Variants in GSE1 observed in about 807,000 individuals in gnomAD.
GSE1 encodes the protein Gse1 coiled-coil protein, also known as genetic suppressor element 1.
GSE1 carries 32 observed loss-of-function variants against 112.6 expected under a neutral mutation model. The observed-to-expected ratio is 0.28, with a 90% CI of 0.21 to 0.38. The LOEUF (loss-of-function observed/expected upper bound fraction) is 0.38. Ranked by LOEUF, GSE1 falls within the 10% of genes least tolerant of loss-of-function variation. The probability of loss-of-function intolerance (pLI) is 1.00; values close to 1 mark genes in which losing one functional copy is unlikely to be tolerated. For synonymous variants in GSE1, 1,115 were observed against 735.6 expected, an observed-to-expected ratio of 1.52 and a Z score of -8.35; for missense variants, 2,348 against 1,699.2, an observed-to-expected ratio of 1.38 and a Z score of -6.71.
Position 85,478,420 on chromosome 16 carries a change from G to A in GSE1, c.2464+120777G>A, listed in dbSNP as rs189836126. The stretch of plus-strand genomic sequence containing the variant: ...CGGGCACCTGTAGTCCCAGCTACTC[G>A]GGAGGCTGAAGCAGGAGAATCACCT... On this transcript the variant is annotated intron_variant, in intron 2 of 2. Coordinates refer to the GSE1 transcript ENST00000637419. 2.7e-4 allele frequency among the ~76,000 whole-genome samples: 41 copies of A among 151,948 alleles called. 1 individual carries two copies. Among genetic ancestry groups the A allele is most frequent in the African/African-American group, 8.4e-4 (35 of 41,466 alleles).
chr16:85,566,019 ATC>A (rs1372990781), intron 1 of GSE1, among the ~76,000 whole-genome samples: 1 of 151,876 alleles, frequency 6.6e-6, no homozygotes, highest in Non-Finnish European at 1.5e-5. Context: ...CCCTCTCTGG[ATC>A]TCTGTTTTCT....
At chr16:85,658,347 C>T (rs2052147899) in intron 8 of GSE1, among the ~76,000 whole-genome samples, 1 of 152,236 alleles carries the variant, frequency 6.6e-6, no homozygotes, top group South Asian at 2.1e-4. Flanking sequence ...CCAGGCCCAG[C>T]TCAGGGACCT....
At chr16:85,315,829 G>C (rs1023598215) in intron 1 of GSE1, among the ~76,000 whole-genome samples, 2 of 152,348 alleles carry the variant, frequency 1.3e-5, no homozygotes, top group African/African-American at 4.8e-5. Flanking sequence ...GCAACCCTGA[G>C]TAGTGGGGAT....
intron 2 of GSE1, among the ~76,000 whole-genome samples, chr16:85,429,665 A>G (rs1282455191): frequency 6.6e-6 from 1 of 151,952 alleles, no homozygotes; most frequent in Non-Finnish European, 1.5e-5. Flanking sequence ...CTCCAGCCCC[A>G]CAGGCCTCCT....
Position 85,480,355 on chromosome 16 carries a change from C to G in GSE1, c.2464+122712C>G, listed in dbSNP as rs562870042. ...CCTGGGCGACGTCTTCTGCATCTCGCTTGCTTCCTGGCCTTGCGGCAGGGG... is the reference window on the plus strand; with the variant it reads ...CCTGGGCGACGTCTTCTGCATCTCGGTTGCTTCCTGGCCTTGCGGCAGGGG... On this transcript the variant is annotated intron_variant, in intron 2 of 2. Coordinates refer to the GSE1 transcript ENST00000637419. 6.6e-5 allele frequency among the ~76,000 whole-genome samples: 10 copies of G among 152,310 alleles called. No homozygotes were observed. In the South Asian group the frequency reaches 2.1e-3, roughly 32 times the overall value.
intron 1 of GSE1, among the ~76,000 whole-genome samples, chr16:85,202,353 G>T (rs2075043937): frequency 1.3e-5 from 2 of 152,268 alleles, no homozygotes; most frequent in South Asian, 4.1e-4. Flanking sequence ...GGCCTCCAGG[G>T]TGGGCTTGGG....
intron 2 of GSE1, among the ~76,000 whole-genome samples, chr16:85,636,707 C>A (rs916795615): frequency 1.3e-5 from 2 of 152,228 alleles, no homozygotes; most frequent in African/African-American, 4.8e-5. Context: ...GCTGGGAGAG[C>A]CGCCGTTAGG....
In GSE1 at chr16:85,182,032, C is replaced by T. The variant is rs900604280; in HGVS notation, c.2283+10225C>T. Among the ~76,000 whole-genome samples, 9 of 152,310 alleles carry T rather than the reference C, an allele frequency of 5.9e-5. No homozygotes were observed. The South Asian group carries it at 8.3e-4, about 14-fold the overall frequency. ...CAGGAGCCTCTGGACAAGGGAGCCC[C>T]GGAACGTCCAGAATGTGGCTTCGTG... On this transcript the variant is annotated intron_variant, in intron 1 of 2. Transcript: ENST00000637419.
chr16:85,606,838 G>A (rs558690492), upstream of GSE1, among the ~76,000 whole-genome samples: 1 of 152,354 alleles, frequency 6.6e-6, no homozygotes, highest in African/African-American at 2.4e-5. Flanking sequence ...ACTGGTGGCA[G>A]AAGCGTCCAA....
At chr16:85,579,186 G>A (rs2046349650) in intron 1 of GSE1, among the ~76,000 whole-genome samples, 1 of 152,196 alleles carries the variant, frequency 6.6e-6, no homozygotes, top group Admixed American at 6.5e-5. Flanking sequence ...TGGTTTAGGA[G>A]CAACGCTGGT....
At chr16:85,426,059 A>AAGGATGGATGGATGGG (rs2048973248) in intron 2 of GSE1, among the ~76,000 whole-genome samples, 2 of 135,838 alleles carry the variant, frequency 1.5e-5, no homozygotes, top group African/African-American at 2.7e-5. Flanking sequence ...GGATGGATGG[A>AAGGATGGATGGATGGG]TGGATGGATG....
intron 12 of GSE1, 117 bp from the exon 13 acceptor site, chr16:85,665,859 G>A (rs16975779): frequency 4.2e-6 from 4 of 950,350 alleles, no homozygotes; most frequent in Non-Finnish European, 6.6e-6. Flanking sequence ...CCCGGGTCTT[G>A]GTTCTTTGCG....
intron 1 of GSE1, among the ~76,000 whole-genome samples, chr16:85,216,232 C>G (rs2075304851): frequency 6.6e-6 from 1 of 152,184 alleles, no homozygotes; most frequent in South Asian, 2.1e-4. Context: ...AGTGAGACCC[C>G]ATCTCTACAA....
rs143403435 is a variant in GSE1 at position 85,665,104 on chromosome 16, G to C, written c.2734G>C (p.Asp912His). ...CGACTCCTTGACAAACTCTCCGAGG[G>C]ACAGTCCTGCCGTCTCCCTGAGTGG... ...VADSLTNSPR[D>H]SPAVSLSEPA... Residue 912 changes from aspartate (D) to histidine (H), a missense_variant, in exon 12 of 16, where the codon GAC (aspartate) becomes CAC (histidine). Asp to His is a moderately conservative substitution (Grantham distance 81, BLOSUM62 -1). Transcript: ENST00000253458. The C allele has an allele frequency of 2.4e-5, 38 of 1,608,714 alleles. No individual in the cohort carries two copies. The highest frequency in any genetic ancestry group is 8.3e-5 in the Admixed American group (5 of 59,980).
chr16:85,308,219 C>A (rs1319465198), intron 1 of GSE1, among the ~76,000 whole-genome samples: 1 of 152,180 alleles, frequency 6.6e-6, no homozygotes, highest in Non-Finnish European at 1.5e-5. Flanking sequence ...AAGCCCTCAG[C>A]TCTGAAGACC....
intron 1 of GSE1, among the ~76,000 whole-genome samples, chr16:85,229,404 C>A (rs1352113549): frequency 7.2e-5 from 11 of 152,246 alleles, no homozygotes; most frequent in African/African-American, 2.4e-4. Flanking sequence ...CCTCTGCACC[C>A]CTCTGGCCTT....
intron 2 of GSE1, among the ~76,000 whole-genome samples, chr16:85,472,517 C>A (rs1056385525): frequency 9.2e-5 from 14 of 152,236 alleles, no homozygotes; most frequent in African/African-American, 3.1e-4. Context: ...TCCCGTGTGG[C>A]CTCATCTTAC....
intron 2 of GSE1, among the ~76,000 whole-genome samples, chr16:85,426,470 G>T (rs1428612169): frequency 7.6e-6 from 1 of 131,706 alleles, no homozygotes; most frequent in South Asian, 3.0e-4. Context: ...GAAAGGGAGG[G>T]AGGGAGGGAG....
chr16:85,502,540 G>T (rs560089235), intron 2 of GSE1, among the ~76,000 whole-genome samples: 2 of 152,360 alleles, frequency 1.3e-5, no homozygotes, highest in African/African-American at 4.8e-5. Flanking sequence ...CTCAGCCAGC[G>T]CTGGGCCAGG....
Sources: gnomAD v4.1 joint callset for allele counts (sites outside exome capture counted in the v4.1 genomes callset) on GRCh38, gnomAD v4.1.1 for gene constraint, MANE v1.5 for transcripts, NCBI Gene and HGNC (gene_info 2026-07-23, HGNC 2026-07-21) for gene names.